The following GLIS3 variants were observed in gnomAD, a reference collection of about 807,000 sequenced individuals.
The protein encoded by GLIS3 is GLIS family zinc finger 3.
GLIS3 carries 53 observed loss-of-function variants against 78.6 expected under a neutral mutation model. The observed-to-expected ratio is 0.67, with a 90% CI of 0.54 to 0.85. The LOEUF is 0.85. Ranked by LOEUF, GLIS3 falls within the 40% of genes least tolerant of loss-of-function variation. GLIS3 has a pLI of 0.00. For missense variants in GLIS3, 1,703 were observed against 1,231.1 expected (o/e 1.38, Z -5.74); for synonymous variants, 684 against 509.9 (o/e 1.34, Z -4.60).
chr9:4,246,140 G>A (rs1260190599), intron 2 of GLIS3, among the ~76,000 whole-genome samples: 1 of 152,134 alleles, frequency 6.6e-6, no homozygotes, highest in East Asian at 1.9e-4. Flanking sequence ...ACTTTGGGAG[G>A]CTGAGGCAAG....
chr9:3,986,110 T>C (rs1241919296), intron 4 of GLIS3, among the ~76,000 whole-genome samples: 2 of 152,220 alleles, frequency 1.3e-5, no homozygotes, highest in African/African-American at 2.4e-5. Flanking sequence ...AACTACAAAA[T>C]GCATTTTCAA....
At chr9:4,442,624 T>TA in the GLIS3 span, among the ~76,000 whole-genome samples, 6 of 151,952 alleles carry the variant, frequency 3.9e-5, no homozygotes, top group Non-Finnish European at 8.8e-5. Flanking sequence ...TTATGCCTCC[T>TA]TTTTTCTCCT....
At chr9:3,929,383 T>C (rs1163799493) in intron 6 of GLIS3, among the ~76,000 whole-genome samples, 1 of 152,174 alleles carries the variant, frequency 6.6e-6, no homozygotes, top group African/African-American at 2.4e-5. Context: ...TGAATAATGT[T>C]TAGCTGGGAT....
chr9:4,082,836 G>A (rs113065913), intron 4 of GLIS3, among the ~76,000 whole-genome samples: 177 of 152,202 alleles, frequency 1.2e-3, no homozygotes, highest in Middle Eastern at 6.8e-3. Flanking sequence ...ATTCACTTTC[G>A]AAACAGACTT....
intron 4 of GLIS3, among the ~76,000 whole-genome samples, chr9:4,097,992 G>A (rs187573532): frequency 1.4e-4 from 22 of 152,180 alleles, no homozygotes; most frequent in Admixed American, 5.2e-4. Context: ...ACAGTTTTAC[G>A]TATATCAGAA....
chr9:4,472,987 G>A, the GLIS3 span, among the ~76,000 whole-genome samples: 1 of 152,118 alleles, frequency 6.6e-6, no homozygotes, highest in Admixed American at 6.5e-5. Flanking sequence ...TAATGGGATT[G>A]CTGAGTCTAA....
the GLIS3 span, among the ~76,000 whole-genome samples, chr9:4,416,063 G>A: frequency 7.3e-5 from 11 of 150,392 alleles, no homozygotes; most frequent in Non-Finnish European, 1.6e-4. Context: ...ACTTTGCAGA[G>A]CACAGGATCT....
intron 7 of GLIS3, among the ~76,000 whole-genome samples, chr9:3,890,732 AAAAAC>A (rs1191997818): frequency 2.0e-5 from 3 of 151,198 alleles, no homozygotes; most frequent in East Asian, 1.9e-4. Flanking sequence ...GCTGTCTCTA[AAAAAC>A]AAAACAAACC....
At chr9:4,248,642 C>G (rs185771166) in intron 2 of GLIS3, among the ~76,000 whole-genome samples, 31 of 152,298 alleles carry the variant, frequency 2.0e-4, no homozygotes, top group Middle Eastern at 3.4e-3. Context: ...ATTTCTGGTT[C>G]TAGATCCTTG....
the GLIS3 span, among the ~76,000 whole-genome samples, chr9:4,394,276 A>T: frequency 6.6e-6 from 1 of 151,668 alleles, no homozygotes; most frequent in Non-Finnish European, 1.5e-5. Context: ...ATAATTTTAA[A>T]ATTATGAGAT....
Position 4,217,756 on chromosome 9 carries a change from AT to A in GLIS3, c.388+68281del, listed in dbSNP as rs200351057. ...AAGCCGTGAGCAAAAATAACTCCTC[AT>A]TTTCAGGTCACTTTCAGCTGGCATC... On this transcript the variant is annotated intron_variant, in intron 2 of 10. Coordinates refer to ENST00000381971, the MANE Select transcript of GLIS3 (RefSeq NM_001042413.2). Among the ~76,000 whole-genome samples the A allele has an allele frequency of 9.8e-3, 1,493 of 152,270 alleles. 11 individuals carry two copies. Among genetic ancestry groups the A allele is most frequent in the Non-Finnish European group, 0.015 (1,027 of 68,030 alleles).
chr9:3,946,725 G>A (rs34184116), intron 4 of GLIS3, among the ~76,000 whole-genome samples: 11,003 of 152,194 alleles, frequency 0.072, 479 homozygotes, highest in African/African-American at 0.11. Flanking sequence ...ATCTGAGCTA[G>A]ATACACAGAT....
chr9:4,334,838 T>C (rs1414144307), intron 2 of GLIS3, among the ~76,000 whole-genome samples: 1 of 151,814 alleles, frequency 6.6e-6, no homozygotes, highest in Admixed American at 6.6e-5. Context: ...CCATGGGCAG[T>C]CATGCCTGCT....
At chr9:3,847,746 TG>T (rs1421596503) in intron 9 of GLIS3, among the ~76,000 whole-genome samples, 2 of 152,254 alleles carry the variant, frequency 1.3e-5, no homozygotes, top group Non-Finnish European at 2.9e-5. Flanking sequence ...AATTAACTTT[TG>T]TTTTTTAGAA....
the GLIS3 span, among the ~76,000 whole-genome samples, chr9:4,384,622 G>A: frequency 6.6e-6 from 1 of 150,542 alleles, no homozygotes; most frequent in South Asian, 2.1e-4. Flanking sequence ...TTTCTTCCCT[G>A]GACAGCAAGA....
At chr9:4,107,411 C>T (rs1485118089) in intron 4 of GLIS3, among the ~76,000 whole-genome samples, 2 of 152,098 alleles carry the variant, frequency 1.3e-5, no homozygotes, top group Non-Finnish European at 2.9e-5. Flanking sequence ...ATGCCTGGAT[C>T]CTAAAACCTC....
At chr9:4,016,503 G>C (rs1822449566) in intron 4 of GLIS3, among the ~76,000 whole-genome samples, 2 of 152,268 alleles carry the variant, frequency 1.3e-5, no homozygotes, top group African/African-American at 4.8e-5. Flanking sequence ...CATCAATTCA[G>C]AAATGCCAAT....
At chr9:4,305,735 A>C (rs982524012) in intron 4 of GLIS3, 1 of 94,430 alleles carries the variant, frequency 1.1e-5, no homozygotes, top group African/African-American at 4.3e-5. Flanking sequence ...CTGGAAAGGT[A>C]GCCTTTTCTC....
rs574782850 is a variant in GLIS3 at position 3,828,549 on chromosome 9, T to A, written c.2657-141A>T. ...ATGCCAGCCTGGGCCCTATAGTGAG[T>A]CTCTGTTTCCAGCGACCTTAGTGAG... is the stretch of plus-strand genomic sequence containing the variant. On this transcript the variant is annotated intron_variant, in intron 10 of 10. Transcript: ENST00000381971. 2.9e-5 allele frequency: 31 copies of A among 1,066,224 alleles called. No homozygotes were observed. In the South Asian group the frequency reaches 3.3e-4, roughly 11 times the overall value. The allele number at this position is 1,066,224 out of a possible 1,614,324, so 66.0% of individuals were successfully genotyped here. A position where few individuals can be genotyped will look rare whatever the true frequency, so the allele number is the denominator to read the frequency against.
Sources: allele counts gnomAD v4.1 joint callset (sites outside exome capture counted in the v4.1 genomes callset), GRCh38; gene constraint gnomAD v4.1.1; transcripts MANE v1.5; gene names NCBI Gene and HGNC (gene_info 2026-07-23, HGNC 2026-07-21).